Variants in ZBTB49 observed in about 807,000 individuals in gnomAD.
ZBTB49 encodes the protein zinc finger and BTB domain-containing protein 49.
In ZBTB49, 43 loss-of-function variants were observed where a neutral mutation model predicts 57.5. The ratio of observed to expected loss-of-function variants is 0.75; its 90% CI spans 0.59 to 0.97. The LOEUF (loss-of-function observed/expected upper bound fraction) is 0.97. ZBTB49 is among the 50% of genes least tolerant of loss of function. ZBTB49 has a pLI of 0.00. For synonymous variants in ZBTB49, 369 were observed against 362.1 expected, an observed-to-expected ratio of 1.02 and a Z score of -0.22; for missense variants, 938 against 947.7, an observed-to-expected ratio of 0.99 and a Z score of 0.13.
At chr4:4,300,770 G>C (rs1720438758) in intron 2 of ZBTB49, among the ~76,000 whole-genome samples, 1 of 146,676 alleles carries the variant, frequency 6.8e-6, no homozygotes, top group African/African-American at 2.5e-5. Context: ...AACAGAGGGA[G>C]ACTCTGTCTC....
intron 1 of ZBTB49, among the ~76,000 whole-genome samples, chr4:4,294,787 G>A (rs1720109941): frequency 6.6e-6 from 1 of 151,312 alleles, no homozygotes; most frequent in Non-Finnish European, 1.5e-5. Flanking sequence ...TTTCTAATTA[G>A]ACATTTACCT....
chr4:4,318,978 C>T (rs1721302551), intron 7 of ZBTB49, among the ~76,000 whole-genome samples: 1 of 149,518 alleles, frequency 6.7e-6, no homozygotes, highest in South Asian at 2.1e-4. Context: ...GCAGCCTCGA[C>T]CTCCTGGACA....
Position 4,321,011 on chromosome 4 carries a change from A to G in ZBTB49, c.1993A>G (p.Ser665Gly). ...LRSMIQPHGV[S>G]DQEKLSLDPG... ...GTCCATGATCCAACCTCATGGAGTT[A>G]GTGACCAGGAGAAGCTGAGTTTGGA... Residue 665 changes from serine to glycine, a missense_variant, in exon 8 of 8, where the codon AGT becomes GGT. Physicochemically the swap from Ser to Gly is moderately conservative, Grantham distance 56. Around this residue, in one of 3 missense-constraint regions of ZBTB49, gnomAD observed 835 missense variants for 819.1 expected, o/e 1.02. Transcript: ENST00000337872. 1 of 1,614,178 alleles carries G rather than the reference A, an allele frequency of 6.2e-7. No individual in the cohort carries two copies. Among genetic ancestry groups the G allele is most frequent in the Non-Finnish European group, 8.5e-7 (1 of 1,180,036 alleles).
intron 1 of ZBTB49, among the ~76,000 whole-genome samples, chr4:4,297,093 CAG>C (rs1720237697): frequency 1.3e-5 from 2 of 152,088 alleles, no homozygotes; most frequent in African/African-American, 4.8e-5. Context: ...TTTTTTGAGA[CAG>C]AGTCTCGCTT....
In ZBTB49 at chr4:4,302,398, G is replaced by A. The variant is rs1453264946; in HGVS notation, c.562G>A (p.Gly188Ser). 1.2e-6 allele frequency: 2 copies of A among 1,614,094 alleles called. No homozygotes were observed. The highest frequency in any genetic ancestry group is 2.2e-5 in the South Asian group (2 of 91,086). Residue 188 changes from glycine to serine, a missense_variant, in exon 3 of 8, where the codon GGT becomes AGT. Gly to Ser is a moderately conservative substitution (Grantham distance 56, BLOSUM62 0). This residue lies in a region of ZBTB49 where 835 missense variants were observed against 819.1 expected (regional missense o/e 1.02). Coordinates refer to ENST00000337872, the MANE Select transcript of ZBTB49 (RefSeq NM_145291.4). ...ATCAGTTAATCGTCATCACTCCGCA[G>A]GTGAAATCTCAAAACAAGCTCCTGA... is the stretch of plus-strand genomic sequence containing the variant. Reference protein sequence around the residue: ...SPSVNRHHSAGEISKQAPDTS... With the variant: ...SPSVNRHHSASEISKQAPDTS...
chr4:4,321,549 C>T lies in ZBTB49; in HGVS notation c.*233C>T, dbSNP rs1173652861. The T allele has an allele frequency of 1.6e-5, 9 of 557,956 alleles. No homozygotes were observed. Among genetic ancestry groups the T allele is most frequent in the East Asian group, 1.2e-4 (4 of 32,430 alleles). 34.6% of individuals were successfully genotyped at this position (557,956 alleles called of 1,614,324 possible). The stretch of plus-strand genomic sequence containing the variant: ...GGAGGGAGCGCTGACGTCACAGAAG[C>T]GAAGGCTTGATGCTGTCTCAGCAGC... On this transcript the variant is annotated 3_prime_UTR_variant, in exon 8 of 8. Transcript: ENST00000337872.
chr4:4,310,237 T>C (rs554367474), intron 4 of ZBTB49, among the ~76,000 whole-genome samples: 1 of 152,332 alleles, frequency 6.6e-6, no homozygotes, highest in South Asian at 2.1e-4. Flanking sequence ...AGGATCAAAG[T>C]TCCTTTACTG....
At position 4,315,836 on chromosome 4, in the gene ZBTB49, A is replaced by G; in HGVS notation, c.1487A>G (p.Glu496Gly). The change falls in exon 7 of 8, where the codon GAG (glutamate) becomes GGG (glycine). Residue 496 changes from glutamate (E) to glycine (G), a missense_variant. Around this residue, in one of 3 missense-constraint regions of ZBTB49, gnomAD observed 835 missense variants for 819.1 expected, o/e 1.02. Coordinates refer to ENST00000337872, the MANE Select transcript of ZBTB49 (RefSeq NM_145291.4). ...TTTAGTAACTTCAGTAATTTGAAGG[A>G]GCACAAAAAGACACACACGGCTGAT... ...RGFSNFSNLK[E>G]HKKTHTADKV... 6.2e-7 allele frequency: 1 copy of G among 1,614,252 alleles called. No individual in the cohort carries two copies. The highest frequency in any genetic ancestry group is 8.5e-7 in the Non-Finnish European group (1 of 1,180,052).
intron 2 of ZBTB49, among the ~76,000 whole-genome samples, chr4:4,300,502 TTTCTTTTCTTTTTTTTCTTAA>T (rs1720429146): frequency 6.6e-6 from 1 of 152,194 alleles, no homozygotes; most frequent in Non-Finnish European, 1.5e-5. Flanking sequence ...GTGTTGGATT[TTTCTTTTCTTTTTTTTCTTAA>T]TTAAAGCATT....
rs772021661 is a variant in ZBTB49 at position 4,299,927 on chromosome 4, G to T, written c.-19G>T. The T allele has an allele frequency of 3.1e-6, 5 of 1,611,640 alleles. No individual in the cohort carries two copies. The highest frequency in any genetic ancestry group is 4.2e-6 in the Non-Finnish European group (5 of 1,178,912). On this transcript the variant is annotated splice_region_variant and 5_prime_UTR_variant, in exon 2 of 8. Coordinates refer to ENST00000337872, the MANE Select transcript of ZBTB49 (RefSeq NM_145291.4). ...TCGTATCTGTGATTTTTTGCTGTAG[G>T]TCACCTGAATGGTTGAGCATGGACC...
At chr4:4,304,225 ATTTT>A (rs35865014) in intron 3 of ZBTB49, among the ~76,000 whole-genome samples, 2 of 135,662 alleles carry the variant, frequency 1.5e-5, no homozygotes. Flanking sequence ...GATTACTGCA[ATTTT>A]TTTTTTTTTT....
chr4:4,291,291 A>T (rs568301762), intron 1 of ZBTB49, among the ~76,000 whole-genome samples: 2 of 152,198 alleles, frequency 1.3e-5, no homozygotes, highest in South Asian at 4.1e-4. Flanking sequence ...CTTGGCTTGC[A>T]CGTGGCTGCT....
chr4:4,298,588 A>C (rs1172776629), intron 1 of ZBTB49, among the ~76,000 whole-genome samples: 1 of 152,036 alleles, frequency 6.6e-6, no homozygotes, highest in Non-Finnish European at 1.5e-5. Context: ...CACCATGCCT[A>C]GCTAATTTTT....
chr4:4,302,602 C>G lies in ZBTB49; in HGVS notation c.766C>G (p.Pro256Ala). ...AGACCTTACCACGGTAGAGAGCCAGCCTTGTGCCGTCAGTCATTCTGAATG... is the reference window on the plus strand; with the variant it reads ...AGACCTTACCACGGTAGAGAGCCAGGCTTGTGCCGTCAGTCATTCTGAATG... ...STDLTTVESQ[P>A]CAVSHSECIL... The change falls in exon 3 of 8, where the codon CCT becomes GCT. Residue 256 changes from proline (P) to alanine (A), a missense_variant. Transcript: ENST00000337872. 5.6e-6 allele frequency: 9 copies of G among 1,613,674 alleles called. No individual in the cohort carries two copies. Among genetic ancestry groups the G allele is most frequent in the Non-Finnish European group, 5.9e-6 (7 of 1,179,796 alleles).
intron 1 of ZBTB49, among the ~76,000 whole-genome samples, 177 bp from the exon 2 acceptor site, chr4:4,299,750 A>C (rs1411729075): frequency 6.6e-6 from 1 of 151,204 alleles, no homozygotes; most frequent in Non-Finnish European, 1.5e-5. Context: ...GTTGAACAGC[A>C]GCGGTCTAGA....
intron 1 of ZBTB49, among the ~76,000 whole-genome samples, chr4:4,291,311 T>C (rs1719896598): frequency 6.6e-6 from 1 of 152,244 alleles, no homozygotes; most frequent in Non-Finnish European, 1.5e-5. Context: ...TTTCTTGCTG[T>C]GTCCTCGCAT....
chr4:4,312,128 C>T (rs1405641443), intron 4 of ZBTB49, among the ~76,000 whole-genome samples: 1 of 152,130 alleles, frequency 6.6e-6, no homozygotes, highest in East Asian at 1.9e-4. Context: ...CTCATTTTTA[C>T]CGCTGGGTAT....
intron 1 of ZBTB49, among the ~76,000 whole-genome samples, chr4:4,295,801 T>G (rs1452281274): frequency 6.6e-6 from 1 of 152,180 alleles, no homozygotes; most frequent in Non-Finnish European, 1.5e-5. Context: ...CCCTACACGT[T>G]AGAAACAAAG....
intron 1 of ZBTB49, among the ~76,000 whole-genome samples, chr4:4,299,656 A>G (rs1300531910): frequency 6.6e-6 from 1 of 152,146 alleles, no homozygotes; most frequent in Non-Finnish European, 1.5e-5. Flanking sequence ...GCCACATTTC[A>G]AGTTCTCAGT....
Sources: gnomAD v4.1 joint callset for allele counts (sites outside exome capture counted in the v4.1 genomes callset) on GRCh38, gnomAD v4.1.1 for gene constraint, gnomAD v4.1.1 regional missense constraint, MANE v1.5 for transcripts, NCBI Gene and HGNC (gene_info 2026-07-23, HGNC 2026-07-21) for gene names.